BTD: variants seen among roughly 807,000 people sequenced by gnomAD.
The protein encoded by BTD is biotinidase, also known as biocytinase.
Under a neutral mutation model 17.7 loss-of-function variants are expected in BTD, and 13 were observed. The ratio of observed to expected loss-of-function variants is 0.74; its 90% confidence interval spans 0.48 to 1.17. The LOEUF (loss-of-function observed/expected upper bound fraction) is 1.17. Ranked by LOEUF, BTD falls within the 50% of genes most tolerant of loss-of-function variation. The probability of loss-of-function intolerance (pLI) is 0.00; values close to 1 mark genes in which losing one functional copy is unlikely to be tolerated. For missense variants in BTD, 674 were observed against 650.4 expected (o/e 1.04, Z -0.39); for synonymous variants, 240 against 245.2 (o/e 0.98, Z 0.20).
At chr3:15,690,010 C>G (rs1048818146) in intron 3 of BTD, 2 of 1,594,268 alleles carry the variant, frequency 1.3e-6, no homozygotes, top group African/African-American at 1.3e-5. Flanking sequence ...AGCATAATAT[C>G]TGGCATACCT....
intron 3 of BTD, among the ~76,000 whole-genome samples, chr3:15,702,250 G>C (rs970805071): frequency 2.0e-5 from 3 of 152,186 alleles, no homozygotes; most frequent in Non-Finnish European, 4.4e-5. Flanking sequence ...CAAAGCTTTA[G>C]AACAGTGGTT....
In BTD at chr3:15,645,107, C is replaced by T. The variant is rs750006399; in HGVS notation, c.1191C>T (p.Val397=). Reference sequence around the variant, plus strand: ...GGGGAAAGGAAGGCTATCTCCACGTCTGTTCCAATGGCCTCTGCTGTTATT... The same window carrying T: ...GGGGAAAGGAAGGCTATCTCCACGTTTGTTCCAATGGCCTCTGCTGTTATT... The part of the protein sequence containing the change: ...PVWGKEGYLH[V]CSNGLCCYLL... Residue 397 remains valine (V), a synonymous_variant, in exon 4 of 4, where the codon GTC becomes GTT. Transcript: ENST00000643237. 3 of 1,614,086 alleles carry T rather than the reference C, an allele frequency of 1.9e-6. No homozygotes were observed. The highest frequency in any genetic ancestry group is 1.7e-6 in the Non-Finnish European group (2 of 1,180,060).
intron 3 of BTD, among the ~76,000 whole-genome samples, chr3:15,702,324 T>A (rs994751405): frequency 1.3e-5 from 2 of 152,170 alleles, no homozygotes; most frequent in African/African-American, 4.8e-5. Flanking sequence ...AATTGCTTGA[T>A]CTTGAAAATG....
At chr3:15,664,727 T>TAA (rs35203239) in intron 3 of BTD, among the ~76,000 whole-genome samples, 1 of 151,656 alleles carries the variant, frequency 6.6e-6, no homozygotes, top group Non-Finnish European at 1.5e-5. Flanking sequence ...TGAAGGGATT[T>TAA]AAAAAAAAGA....
At chr3:15,637,139 C>T (rs1007037378) in intron 2 of BTD, among the ~76,000 whole-genome samples, 6 of 152,112 alleles carry the variant, frequency 3.9e-5, no homozygotes, top group African/African-American at 1.4e-4. Flanking sequence ...GTCATGATCC[C>T]CCTGGCATCT....
chr3:15,658,022 G>C (rs182001449), downstream of BTD, among the ~76,000 whole-genome samples: 250 of 152,160 alleles, frequency 1.6e-3, no homozygotes, highest in African/African-American at 5.8e-3. Flanking sequence ...ACGAAAGTTA[G>C]CTGGGCATGG....
At chr3:15,664,156 A>G (rs1203608019) in intron 3 of BTD, among the ~76,000 whole-genome samples, 1 of 152,196 alleles carries the variant, frequency 6.6e-6, no homozygotes, top group Non-Finnish European at 1.5e-5. Flanking sequence ...GATGGTGTTA[A>G]GCACAACTAT....
At chr3:15,642,959 CA>C (rs2065566024) in intron 3 of BTD, among the ~76,000 whole-genome samples, 1 of 147,938 alleles carries the variant, frequency 6.8e-6, no homozygotes, top group African/African-American at 2.5e-5. Context: ...ACCTGGGAGG[CA>C]GGAGTTGCGG....
intron 3 of BTD, among the ~76,000 whole-genome samples, chr3:15,686,912 C>T (rs17041449): frequency 0.027 from 4,043 of 151,470 alleles, 183 homozygotes; most frequent in African/African-American, 0.091. Flanking sequence ...GTTGTAGAAT[C>T]AACCAACCCT....
intron 3 of BTD, chr3:15,668,481 TGGG>T (rs905004106): frequency 6.6e-6 from 1 of 152,412 alleles, no homozygotes; most frequent in African/African-American, 2.4e-5. Context: ...AAAGAAAAGA[TGGG>T]GGATTAGATT....
chr3:15,657,405 A>G (rs551108336), downstream of BTD, among the ~76,000 whole-genome samples: 3 of 152,180 alleles, frequency 2.0e-5, no homozygotes, highest in South Asian at 6.2e-4. Context: ...CTTTCCAATA[A>G]CTCTGTAAGA....
At chr3:15,619,392 C>T (rs150846330) in intron 1 of BTD, among the ~76,000 whole-genome samples, 1 of 152,342 alleles carries the variant, frequency 6.6e-6, no homozygotes, top group East Asian at 1.9e-4. Context: ...ACAAACACAG[C>T]TCACTGCAGC....
chr3:15,654,241 G>C (rs1208060910), downstream of BTD, among the ~76,000 whole-genome samples: 1 of 152,214 alleles, frequency 6.6e-6, no homozygotes, highest in Non-Finnish European at 1.5e-5. Flanking sequence ...GGGAGGGAAG[G>C]AGCATGGAGT....
chr3:15,714,660 G>A (rs182821122), downstream of BTD: 24 of 1,576,994 alleles, frequency 1.5e-5, no homozygotes, highest in Non-Finnish European at 1.9e-5. Flanking sequence ...CTTTACTCTG[G>A]GGGGGGAAGA....
chr3:15,656,017 G>A (rs2065867856), downstream of BTD, among the ~76,000 whole-genome samples: 2 of 152,218 alleles, frequency 1.3e-5, no homozygotes, highest in South Asian at 4.2e-4. Flanking sequence ...TGGCCAGGCT[G>A]GTCTCAAACT....
In BTD at chr3:15,601,893, A is replaced by T. The variant is rs143058480; in HGVS notation, c.-18A>T. 6.2e-7 allele frequency: 1 copy of T among 1,613,890 alleles called. No homozygotes were observed. The highest frequency in any genetic ancestry group is 1.1e-5 in the South Asian group (1 of 91,062). On this transcript the variant is annotated splice_region_variant and 5_prime_UTR_variant, in exon 1 of 4. It introduces an in-frame stop codon into an upstream open reading frame of the 5' UTR. Transcript: ENST00000643237. ...TCAGGGCGGAAGGCGCGCTAAGAGC[A>T]GGTACGGAGGGGGCGTGGTGCGGCG... is the stretch of plus-strand genomic sequence containing the variant.
rs147710728 is a variant in BTD, at chr3:15,720,218, C to CAA, written c.1016-1544_1016-1543dup. Among the ~76,000 whole-genome samples the CAA allele has an allele frequency of 1.4e-3, 215 of 150,804 alleles. 1 individual carries two copies. The highest frequency in any genetic ancestry group is 4.5e-3 in the African/African-American group (183 of 41,120). ...TGCTTACTCTTGAAAGTGATTCTAA[C>CAA]AAAAAAAAACCAAAAAGCAACTATT... is the stretch of plus-strand genomic sequence containing the variant. On this transcript the variant is annotated intron_variant, in intron 4 of 4. Transcript: ENST00000672427.
intron 3 of BTD, among the ~76,000 whole-genome samples, chr3:15,686,707 C>G (rs1030785894): frequency 1.3e-5 from 2 of 152,190 alleles, no homozygotes; most frequent in African/African-American, 2.4e-5. Flanking sequence ...TTAAGGTGAG[C>G]AGCACAGGAA....
At chr3:15,671,108 T>C (rs1228063853) in intron 3 of BTD, among the ~76,000 whole-genome samples, 2 of 152,234 alleles carry the variant, frequency 1.3e-5, no homozygotes, top group East Asian at 3.8e-4. Flanking sequence ...ACTTTTCTCT[T>C]GGGGTCACAG....
Sources: allele counts gnomAD v4.1 joint callset (sites outside exome capture counted in the v4.1 genomes callset), GRCh38; gene constraint gnomAD v4.1.1; transcripts MANE v1.5; gene names NCBI Gene and HGNC (gene_info 2026-07-23, HGNC 2026-07-21).